Variants in PTPRD observed in about 807,000 individuals in gnomAD.
PTPRD encodes protein tyrosine phosphatase receptor type D.
Under a neutral mutation model 214.5 loss-of-function variants are expected in PTPRD, and 34 were observed. The observed-to-expected ratio is 0.16, with a 90% CI of 0.12 to 0.21. PTPRD has a LOEUF of 0.21. Ranked by LOEUF, PTPRD falls within the 10% of genes least tolerant of loss-of-function variation. PTPRD has a pLI of 1.00. For missense variants in PTPRD, 2,545 were observed against 2,398.7 expected (o/e 1.06, Z -1.27); for synonymous variants, 1,128 against 845.7 (o/e 1.33, Z -5.79).
intron 5 of PTPRD, among the ~76,000 whole-genome samples, chr9:9,827,099 A>C (rs2053159536): frequency 6.6e-6 from 1 of 152,130 alleles, no homozygotes; most frequent in Non-Finnish European, 1.5e-5. Flanking sequence ...GACAGACTCA[A>C]TGCCATCCTC....
intron 7 of PTPRD, among the ~76,000 whole-genome samples, chr9:9,607,494 G>A (rs1028401463): frequency 6.6e-6 from 1 of 152,092 alleles, no homozygotes; most frequent in African/African-American, 2.4e-5. Flanking sequence ...ATGGTGAGGT[G>A]GGATTTGATT....
intron 9 of PTPRD, among the ~76,000 whole-genome samples, chr9:9,283,231 G>A (rs961481312): frequency 3.3e-5 from 5 of 151,390 alleles, no homozygotes; most frequent in Non-Finnish European, 7.4e-5. Flanking sequence ...TTTCTGTTAA[G>A]GTTATGCTAA....
At chr9:10,594,389 C>T (rs916741830) in intron 2 of PTPRD, among the ~76,000 whole-genome samples, 2 of 151,850 alleles carry the variant, frequency 1.3e-5, no homozygotes, top group Non-Finnish European at 2.9e-5. Context: ...AGATAAAGCA[C>T]CTATGAAATT....
chr9:9,828,331 A>C (rs950680018), intron 5 of PTPRD, among the ~76,000 whole-genome samples: 2 of 152,206 alleles, frequency 1.3e-5, no homozygotes, highest in Admixed American at 1.3e-4. Flanking sequence ...GCCATAAAAA[A>C]GGATGAGTTC....
At chr9:9,232,990 A>T (rs2099964084) in intron 9 of PTPRD, among the ~76,000 whole-genome samples, 1 of 152,112 alleles carries the variant, frequency 6.6e-6, no homozygotes, top group Admixed American at 6.6e-5. Flanking sequence ...GAAATTCTCT[A>T]ACCCAACCTT....
chr9:10,029,545 C>G (rs530785281), intron 4 of PTPRD, among the ~76,000 whole-genome samples: 2 of 152,294 alleles, frequency 1.3e-5, no homozygotes, highest in Admixed American at 6.5e-5. Context: ...CATTTTGGAG[C>G]TTTAAGATTT....
chr9:10,159,981 T>C (rs2099117722), intron 3 of PTPRD, among the ~76,000 whole-genome samples: 1 of 152,070 alleles, frequency 6.6e-6, no homozygotes, highest in African/African-American at 2.4e-5. Context: ...TTCTAAAACT[T>C]GGCAAAATGA....
intron 14 of PTPRD, among the ~76,000 whole-genome samples, chr9:8,602,604 C>T (rs571735501): frequency 2.3e-4 from 35 of 152,292 alleles, no homozygotes; most frequent in South Asian, 2.3e-3. Context: ...AAAACCAAAA[C>T]GGCCTTCAAC....
intron 7 of PTPRD, among the ~76,000 whole-genome samples, chr9:9,712,756 T>G (rs1237290109): frequency 1.3e-5 from 2 of 152,176 alleles, no homozygotes; most frequent in Non-Finnish European, 2.9e-5. Context: ...TCTGAGCACT[T>G]AAAACTCAAT....
intron 11 of PTPRD, chr9:8,962,954 A>C (rs1456176740): frequency 6.6e-6 from 1 of 152,150 alleles, no homozygotes; most frequent in Admixed American, 6.6e-5. Context: ...CAGGATATAC[A>C]CAAAAGATTT....
chr9:8,654,086 T>C (rs769725740), intron 12 of PTPRD, among the ~76,000 whole-genome samples: 1 of 152,168 alleles, frequency 6.6e-6, no homozygotes, highest in Admixed American at 6.5e-5. Flanking sequence ...TTCTACCCAA[T>C]AGATAACACT....
intron 10 of PTPRD, among the ~76,000 whole-genome samples, chr9:9,167,514 G>C (rs1237362913): frequency 6.6e-6 from 1 of 151,992 alleles, no homozygotes; most frequent in African/African-American, 2.4e-5. Context: ...TAGTACTTTG[G>C]GAGACCGAGG....
intron 9 of PTPRD, among the ~76,000 whole-genome samples, chr9:9,275,391 A>G (rs1375743561): frequency 6.7e-6 from 1 of 149,672 alleles, no homozygotes; most frequent in Non-Finnish European, 1.5e-5. Context: ...TTCCCTCAAA[A>G]TGGCTCAGAG....
chr9:8,477,552 T>C (rs2096789809), intron 30 of PTPRD, among the ~76,000 whole-genome samples: 1 of 152,176 alleles, frequency 6.6e-6, no homozygotes, highest in Admixed American at 6.5e-5. Context: ...TCAAACATGT[T>C]ATTTAACTGG....
Position 8,486,873 on chromosome 9 carries a change from G to C in PTPRD, c.2468-524C>G, listed in dbSNP as rs533848081. On this transcript the variant is annotated intron_variant, in intron 27 of 45. Transcript: ENST00000381196. ...TTCTATAATGAGAAAATGAGGCCCA[G>C]AGAGGTAGAAAACTTTCCAAGGCTA... 9.9e-5 allele frequency among the ~76,000 whole-genome samples: 15 copies of C among 152,212 alleles called. No individual in the cohort carries two copies. In the East Asian group the frequency reaches 2.7e-3, roughly 27 times the overall value.
chr9:10,213,272 A>G (rs373250939), intron 3 of PTPRD, among the ~76,000 whole-genome samples: 41 of 152,164 alleles, frequency 2.7e-4, no homozygotes, highest in African/African-American at 8.0e-4. Context: ...ATTATAAAAT[A>G]GAGTTATAAC....
At chr9:10,013,263 T>C (rs1053208943) in intron 4 of PTPRD, among the ~76,000 whole-genome samples, 2 of 151,942 alleles carry the variant, frequency 1.3e-5, no homozygotes, top group African/African-American at 4.8e-5. Flanking sequence ...CCCTGGCCTC[T>C]AGTTAGAGAA....
intron 3 of PTPRD, among the ~76,000 whole-genome samples, chr9:10,234,475 C>T (rs2099622602): frequency 6.6e-6 from 1 of 151,516 alleles, no homozygotes; most frequent in African/African-American, 2.4e-5. Flanking sequence ...AGAATTAAAC[C>T]CTTAGAGGAT....
chr9:8,740,627 A>G (rs1004352399), intron 11 of PTPRD, among the ~76,000 whole-genome samples: 2 of 152,208 alleles, frequency 1.3e-5, no homozygotes, highest in Non-Finnish European at 2.9e-5. Context: ...TAAAAATATA[A>G]GAAATTATTT....
Sources: allele counts gnomAD v4.1 joint callset (sites outside exome capture counted in the v4.1 genomes callset), GRCh38; gene constraint gnomAD v4.1.1; transcripts MANE v1.5; gene names NCBI Gene and HGNC (gene_info 2026-07-23, HGNC 2026-07-21).